Variants in ZCWPW2 observed in about 807,000 individuals in gnomAD.
ZCWPW2 encodes zinc finger CW-type PWWP domain protein 2.
ZCWPW2 carries 45 observed loss-of-function variants against 46.6 expected under a neutral mutation model. The ratio of observed to expected loss-of-function variants is 0.96; its 90% CI spans 0.76 to 1.24. The LOEUF (loss-of-function observed/expected upper bound fraction) is 1.24, where lower values mean the gene tolerates loss of function less well. Among genes scored for constraint, ZCWPW2 ranks in the 50% most tolerant of loss-of-function variants. ZCWPW2 has a pLI of 0.00. For missense variants in ZCWPW2, 429 were observed against 403.9 expected (o/e 1.06, Z -0.53); for synonymous variants, 152 against 137.1 (o/e 1.11, Z -0.76).
intron 3 of ZCWPW2, among the ~76,000 whole-genome samples, chr3:28,421,720 G>T (rs1236227007): frequency 1.3e-5 from 2 of 151,462 alleles, no homozygotes; most frequent in African/African-American, 4.9e-5. Flanking sequence ...TCAACTTTGA[G>T]AATCTTTTTA....
At chr3:28,409,317 G>T (rs1194360852) in intron 2 of ZCWPW2, among the ~76,000 whole-genome samples, 1 of 151,494 alleles carries the variant, frequency 6.6e-6, no homozygotes, top group South Asian at 2.1e-4. Context: ...GCTGGGTTTC[G>T]CTATGTTGAC....
intron 4 of ZCWPW2, among the ~76,000 whole-genome samples, chr3:28,436,503 G>A (rs1400853269): frequency 6.6e-6 from 1 of 151,728 alleles, no homozygotes; most frequent in Non-Finnish European, 1.5e-5. Context: ...GTACATGTAC[G>A]TATTTAAAAC....
intron 1 of ZCWPW2, among the ~76,000 whole-genome samples, chr3:28,376,994 G>A (rs1004816317): frequency 6.6e-6 from 1 of 151,808 alleles, no homozygotes; most frequent in Non-Finnish European, 1.5e-5. Flanking sequence ...TTATTCCTTA[G>A]TTATGTATTT....
At chr3:28,484,509 G>T (rs558294799) in intron 5 of ZCWPW2, among the ~76,000 whole-genome samples, 39 of 152,144 alleles carry the variant, frequency 2.6e-4, no homozygotes, top group Admixed American at 4.6e-4. Flanking sequence ...TTTTAGCAGA[G>T]TGTCTCTTTC....
At chr3:28,403,483 C>A (rs1373386248) in intron 2 of ZCWPW2, among the ~76,000 whole-genome samples, 1 of 152,094 alleles carries the variant, frequency 6.6e-6, no homozygotes, top group African/African-American at 2.4e-5. Context: ...GAGCAATCTA[C>A]AAATTCAATG....
chr3:28,393,188 G>C (rs1198772115), intron 2 of ZCWPW2, among the ~76,000 whole-genome samples: 2 of 151,998 alleles, frequency 1.3e-5, no homozygotes, highest in African/African-American at 4.8e-5. Context: ...CAACAAATTG[G>C]ATAAGCTGGA....
In ZCWPW2 at chr3:28,521,062, C is replaced by T. The variant is rs1700710789; in HGVS notation, c.855C>T (p.Ala285=). ...TGCAGCAAGCACTGCAACCCACAGC[C>T]ACACCTGATGAATCAGAAGAAGGAC... ...QMLQQALQPT[A]TPDESEEGHG... The change falls in exon 9 of 10, where the codon GCC becomes GCT. Residue 285 remains alanine, a synonymous_variant. Transcript: ENST00000383768. 6.2e-7 allele frequency: 1 copy of T among 1,611,202 alleles called. No individual in the cohort carries two copies. Among genetic ancestry groups the T allele is most frequent in the African/African-American group, 1.3e-5 (1 of 74,686 alleles).
chr3:28,404,335 C>CT (rs1487006013), intron 2 of ZCWPW2, among the ~76,000 whole-genome samples: 1 of 152,076 alleles, frequency 6.6e-6, no homozygotes, highest in Non-Finnish European at 1.5e-5. Flanking sequence ...GCGATACCAC[C>CT]TTACTCTGCA....
intron 6 of ZCWPW2, among the ~76,000 whole-genome samples, chr3:28,497,184 G>T (rs1486964907): frequency 6.7e-6 from 1 of 150,198 alleles, no homozygotes; most frequent in Non-Finnish European, 1.5e-5. Context: ...TGTGTTTTTG[G>T]CAGTGGTCAA....
intron 2 of ZCWPW2, among the ~76,000 whole-genome samples, chr3:28,393,922 T>A (rs1459574641): frequency 2.0e-5 from 3 of 152,068 alleles, no homozygotes; most frequent in African/African-American, 7.2e-5. Context: ...TACTAGAAGT[T>A]TTAGCCAGAG....
At chr3:28,497,987 C>T (rs924111909) in intron 6 of ZCWPW2, among the ~76,000 whole-genome samples, 3 of 152,004 alleles carry the variant, frequency 2.0e-5, no homozygotes, top group Non-Finnish European at 4.4e-5. Context: ...AAGTCCCTTC[C>T]TACTCTAATA....
Position 28,413,230 on chromosome 3 carries a change from T to C in ZCWPW2, c.162T>C (p.His54=), listed in dbSNP as rs1417859418. ...GTGAGGATTCAGCCAAGGTTGATCA[T>C]GATGAACCATGGTACTGCTTCATGA... ...LSSEDSAKVD[H]DEPWYCFMNT... is the part of the protein sequence containing the mutation. Residue 54 remains histidine (H), a synonymous_variant, in exon 3 of 10, where the codon CAT becomes CAC. Transcript: ENST00000383768. 1 of 1,613,242 alleles carries C rather than the reference T, an allele frequency of 6.2e-7. No homozygotes were observed. Among genetic ancestry groups the C allele is most frequent in the Non-Finnish European group, 8.5e-7 (1 of 1,179,520 alleles).
At chr3:28,440,681 C>G (rs1192556097) in intron 4 of ZCWPW2, among the ~76,000 whole-genome samples, 2 of 152,146 alleles carry the variant, frequency 1.3e-5, no homozygotes, top group Non-Finnish European at 2.9e-5. Context: ...AAGCATGAGC[C>G]CACTGCCACG....
chr3:28,432,087 C>T (rs1236098958), intron 3 of ZCWPW2, among the ~76,000 whole-genome samples: 1 of 152,162 alleles, frequency 6.6e-6, no homozygotes, highest in East Asian at 1.9e-4. Flanking sequence ...CCCACCATGT[C>T]CCTCCTACAA....
At chr3:28,492,256 AAAAC>A (rs1289267314) in intron 6 of ZCWPW2, 83 bp downstream of exon 6, 4 of 1,268,162 alleles carry the variant, frequency 3.2e-6, no homozygotes, top group Non-Finnish European at 4.3e-6. Context: ...ATATTATTTA[AAAAC>A]AAACAATGAC....
intron 4 of ZCWPW2, among the ~76,000 whole-genome samples, chr3:28,442,439 A>G (rs1697800938): frequency 1.3e-5 from 2 of 151,506 alleles, no homozygotes; most frequent in African/African-American, 4.8e-5. Flanking sequence ...CAGTCAGCAT[A>G]GTGTCATCAA....
chr3:28,517,333 A>G (rs1700602438), intron 8 of ZCWPW2, among the ~76,000 whole-genome samples: 1 of 152,186 alleles, frequency 6.6e-6, no homozygotes, highest in South Asian at 2.1e-4. Flanking sequence ...TAATTGGCTC[A>G]CAGTTTTGCA....
At chr3:28,455,420 C>T (rs1575155772) in intron 4 of ZCWPW2, among the ~76,000 whole-genome samples, 1 of 152,140 alleles carries the variant, frequency 6.6e-6, no homozygotes, top group Admixed American at 6.5e-5. Flanking sequence ...AAAAGTTTCT[C>T]CCATTCTGTA....
chr3:28,402,574 A>G lies in ZCWPW2; in HGVS notation c.-13-10482A>G, dbSNP rs552714205. On this transcript the variant is annotated intron_variant, in intron 2 of 9. Transcript: ENST00000383768. ...TCTATGAAGCCAGTATCACCCTAATACCAAAACGAGAAAAAGACATAAGCA... is the reference window on the plus strand; with the variant it reads ...TCTATGAAGCCAGTATCACCCTAATGCCAAAACGAGAAAAAGACATAAGCA... Among the ~76,000 whole-genome samples, 20 of 152,296 alleles carry G rather than the reference A, an allele frequency of 1.3e-4. 1 individual carries two copies. The South Asian group carries it at 3.3e-3, about 25-fold the overall frequency.
Sources: allele counts gnomAD v4.1 joint callset (sites outside exome capture counted in the v4.1 genomes callset), GRCh38; gene constraint gnomAD v4.1.1; transcripts MANE v1.5; gene names NCBI Gene and HGNC (gene_info 2026-07-23, HGNC 2026-07-21).